CNTNAP1: variants seen among roughly 807,000 people sequenced by gnomAD.
CNTNAP1 encodes the protein contactin associated protein 1.
A neutral mutation model predicts 161.5 loss-of-function variants in CNTNAP1; 80 were observed. That is an observed-to-expected ratio of 0.50 (90% confidence interval 0.41 to 0.60). The LOEUF is 0.60. Among genes scored for constraint, CNTNAP1 ranks in the 20% least tolerant of loss-of-function variants. The pLI, the probability that CNTNAP1 is intolerant of heterozygous loss-of-function variation, is 0.00. For synonymous variants in CNTNAP1, 695 were observed against 733.1 expected, an observed-to-expected ratio of 0.95 and a Z score of 0.84; for missense variants, 1,464 against 1,854.8, an observed-to-expected ratio of 0.79 and a Z score of 3.87.
At chr17:42,696,181 A>G (rs749106280) in intron 20 of CNTNAP1, 29 bp downstream of exon 20, 9 of 1,613,438 alleles carry the variant, frequency 5.6e-6, no homozygotes, top group Non-Finnish European at 7.6e-6. Flanking sequence ...GAGCCAGTTC[A>G]GATCATAACC....
In CNTNAP1 at chr17:42,696,041, A is replaced by C. The variant is rs1176806264; in HGVS notation, c.3363A>C (p.Arg1121=). ...ACCCCACAGGGACCCTTCAGCTGCG[A>C]TATCAGCTGGGCACCAGTCCCTACG... ...LIKDDGTLQL[R]YQLGTSPYVY... is the part of the protein sequence containing the mutation. The change falls in exon 20 of 24, where the codon CGA becomes CGC. Residue 1121 remains arginine, a synonymous_variant. Transcript: ENST00000264638. The C allele has an allele frequency of 1.9e-6, 3 of 1,614,116 alleles. No homozygotes were observed. The South Asian group carries it at 3.3e-5, about 18-fold the overall frequency.
rs921009671 is a variant in CNTNAP1 at position 42,695,863 on chromosome 17, T to C, written c.3335T>C (p.Ile1112Thr). 2 of 1,611,666 alleles carry C rather than the reference T, an allele frequency of 1.2e-6. No individual in the cohort carries two copies. The highest frequency in any genetic ancestry group is 2.7e-5 in the African/African-American group (2 of 75,006). Residue 1112 changes from isoleucine (I) to threonine (T), a missense_variant, in exon 19 of 24, where the codon ATC (isoleucine) becomes ACC (threonine). By Grantham distance (89) the Ile-to-Thr change is moderately conservative. Transcript: ENST00000264638. The stretch of plus-strand genomic sequence containing the variant: ...GTTCGTGACTACATGGCTGTGCTCA[T>C]CAAGGATGATGGTAAGCTCTCCCGG... ...SFVRDYMAVL[I>T]KDDGTLQLRY...
intron 10 of CNTNAP1, 148 bp from the exon 11 acceptor site, chr17:42,689,373 C>T (rs548139632): frequency 1.1e-5 from 7 of 637,892 alleles, no homozygotes; most frequent in Admixed American, 2.7e-5. Flanking sequence ...AGTGCCCCTG[C>T]ATCTGCGCTT....
rs1251973432 is a variant in CNTNAP1, at chr17:42,692,476, C to A, written c.2531-23C>A. 1.9e-6 allele frequency: 3 copies of A among 1,601,764 alleles called. No individual in the cohort carries two copies. In the South Asian group the frequency reaches 3.3e-5, roughly 18 times the overall value. On this transcript the variant is annotated intron_variant, in intron 16 of 23. Coordinates refer to ENST00000264638, the MANE Select transcript of CNTNAP1 (RefSeq NM_003632.3). ...TTGTAGGTCTGAGTCCTTTTCTCCCCTACCCTGCATCACACTGTCCAGCAT... is the reference window on the plus strand; with the variant it reads ...TTGTAGGTCTGAGTCCTTTTCTCCCATACCCTGCATCACACTGTCCAGCAT...
chr17:42,692,914 C>T (rs950280083), intron 17 of CNTNAP1, among the ~76,000 whole-genome samples, 194 bp downstream of exon 17: 1 of 152,118 alleles, frequency 6.6e-6, no homozygotes, highest in Admixed American at 6.6e-5. Flanking sequence ...CCCTTTCCAA[C>T]TACAATACTT....
rs750371440 is a variant in CNTNAP1, at chr17:42,691,850, C to T, written c.2389C>T (p.Arg797Cys). The T allele has an allele frequency of 1.4e-5, 23 of 1,614,024 alleles. No individual in the cohort carries two copies. The highest frequency in any genetic ancestry group is 4.0e-5 in the African/African-American group (3 of 74,918). The change falls in exon 16 of 24, where the codon CGC becomes TGC. Residue 797 changes from arginine to cysteine, a missense_variant. Physicochemically the swap from Arg to Cys is radical, Grantham distance 180. Around this residue, in one of 3 missense-constraint regions of CNTNAP1, gnomAD observed 1,383 missense variants for 1,765.0 expected, o/e 0.78. Coordinates refer to ENST00000264638, the MANE Select transcript of CNTNAP1 (RefSeq NM_003632.3). This position sits in a 1 kb window ranked among gnomAD's most constrained non-coding sequence, Gnocchi z 4.3. Reference sequence around the variant, plus strand: ...TTCCTTCCACACCGGGGCTGCACTACGCTTCCCCCCAATCCGTGCCAACCA... The same window carrying T: ...TTCCTTCCACACCGGGGCTGCACTATGCTTCCCCCCAATCCGTGCCAACCA... ...TISFHTGAAL[R>C]FPPIRANHSL... is the part of the protein sequence containing the mutation.
At chr17:42,694,167 T>A (rs982772761) in intron 18 of CNTNAP1, among the ~76,000 whole-genome samples, 7 of 150,522 alleles carry the variant, frequency 4.7e-5, no homozygotes, top group Admixed American at 4.6e-4. Context: ...CCAAAATAAT[T>A]TCTTTTTTCT....
At chr17:42,697,456 T>A in intron 21 of CNTNAP1, 89 bp downstream of exon 21, 1 of 1,606,358 alleles carries the variant, frequency 6.2e-7, no homozygotes, top group Non-Finnish European at 8.5e-7. Context: ...TGGGAATGGC[T>A]GAGGGCAGTG....
intron 16 of CNTNAP1, 60 bp from the exon 17 acceptor site, chr17:42,692,439 C>A: frequency 7.2e-7 from 1 of 1,393,930 alleles, no homozygotes; most frequent in Non-Finnish European, 1.0e-6. Flanking sequence ...GGGCAAGGAT[C>A]TATGAAGGGT....
In CNTNAP1 at chr17:42,699,370, C is replaced by G. The variant is rs2053198139; in HGVS notation, c.*460C>G. ...CCTATCCCCCAGCCTCCCCCCTGCCCTGAAGATCTTCCATTTGCTTCCACT... is the reference window on the plus strand; with the variant it reads ...CCTATCCCCCAGCCTCCCCCCTGCCGTGAAGATCTTCCATTTGCTTCCACT... On this transcript the variant is annotated 3_prime_UTR_variant, in exon 24 of 24. Transcript: ENST00000264638. 1 of 154,756 alleles carries G rather than the reference C, an allele frequency of 6.5e-6. No individual in the cohort carries two copies. Among genetic ancestry groups the G allele is most frequent in the South Asian group, 2.1e-4 (1 of 4,854 alleles). 9.6% of individuals were successfully genotyped at this position (154,756 alleles called of 1,614,324 possible). A position where few individuals can be genotyped will look rare whatever the true frequency, so the allele number is the denominator to read the frequency against.
intron 11 of CNTNAP1, 75 bp downstream of exon 11, chr17:42,689,702 C>G: frequency 8.1e-7 from 1 of 1,236,018 alleles, no homozygotes; most frequent in Admixed American, 1.8e-5. Context: ...CATCAGGCTG[C>G]TAGAGATGGC....
Position 42,687,207 on chromosome 17 carries a change from C to A in CNTNAP1, c.1044+161C>A. ...AGGGGAGCGGGTCTCACCTGAGGTG[C>A]ATGAGCCACGCAGGCCCCTAGTTAA... On this transcript the variant is annotated intron_variant, in intron 7 of 23. Coordinates refer to ENST00000264638, the MANE Select transcript of CNTNAP1 (RefSeq NM_003632.3). The surrounding 1 kb of genome is among the most constrained non-coding windows in gnomAD (Gnocchi z 4.7). 1 of 921,610 alleles carries A rather than the reference C, an allele frequency of 1.1e-6. No homozygotes were observed. Among genetic ancestry groups the A allele is most frequent in the Non-Finnish European group, 1.6e-6 (1 of 629,428 alleles). The allele number at this position is 921,610 out of a possible 1,614,324, so 57.1% of individuals were successfully genotyped here.
intron 11 of CNTNAP1, 103 bp from the exon 12 acceptor site, chr17:42,689,985 C>A: frequency 1.5e-6 from 2 of 1,341,038 alleles, no homozygotes; most frequent in Non-Finnish European, 2.1e-6. Flanking sequence ...GGGTGATGCA[C>A]CACCCCGGCC....
At chr17:42,689,695 C>G in intron 11 of CNTNAP1, 68 bp downstream of exon 11, 1 of 1,323,672 alleles carries the variant, frequency 7.6e-7, no homozygotes, top group South Asian at 1.2e-5. Flanking sequence ...TGGGGATCAT[C>G]AGGCTGCTAG....
chr17:42,691,661 C>A lies in CNTNAP1; in HGVS notation c.2345-145C>A. 4.4e-6 allele frequency: 6 copies of A among 1,366,034 alleles called. No individual in the cohort carries two copies. The highest frequency in any genetic ancestry group is 6.1e-6 in the Non-Finnish European group (6 of 982,372). 84.6% of individuals were successfully genotyped at this position (1,366,034 alleles called of 1,614,324 possible). Reference sequence around the variant, plus strand: ...TCTCATTACCCCTCTGCACCTGGCTCCTCTTTCATTCCACTCCTTAGTCTC... The same window carrying A: ...TCTCATTACCCCTCTGCACCTGGCTACTCTTTCATTCCACTCCTTAGTCTC... On this transcript the variant is annotated intron_variant, in intron 15 of 23. Transcript: ENST00000264638. The surrounding 1 kb of genome is among the most constrained non-coding windows in gnomAD (Gnocchi z 4.3).
In CNTNAP1 at chr17:42,687,487, G is replaced by C; in HGVS notation, c.1045-233G>C. 1.7e-6 allele frequency: 1 copy of C among 593,368 alleles called. No homozygotes were observed. Among genetic ancestry groups the C allele is most frequent in the Non-Finnish European group, 3.0e-6 (1 of 337,614 alleles). The allele number at this position is 593,368 out of a possible 1,614,324, so 36.8% of individuals were successfully genotyped here. A position where few individuals can be genotyped will look rare whatever the true frequency, so the allele number is the denominator to read the frequency against. On this transcript the variant is annotated intron_variant, in intron 7 of 23. Coordinates refer to ENST00000264638, the MANE Select transcript of CNTNAP1 (RefSeq NM_003632.3). This position sits in a 1 kb window ranked among gnomAD's most constrained non-coding sequence, Gnocchi z 4.7. ...GGAGAGAAGCGGTCGAATCGCAGAC[G>C]GTGGAGATCAGCGAGAGCAAGCGAG...
Position 42,689,019 on chromosome 17 carries a change from C to A in CNTNAP1, c.1600C>A (p.Leu534Ile), listed in dbSNP as rs1273116283. The change falls in exon 10 of 24, where the codon CTC becomes ATC. Residue 534 changes from leucine (L) to isoleucine (I), a missense_variant. Transcript: ENST00000264638. ...GCGGCTTGGATTCTATGCTGAGGTC[C>A]TCTTTGATACATGTGGCATCACTGA... The part of the protein sequence containing the change: ...GRRLGFYAEV[L>I]FDTCGITDRC... 1 of 1,599,658 alleles carries A rather than the reference C, an allele frequency of 6.3e-7. No homozygotes were observed. The highest frequency in any genetic ancestry group is 1.1e-5 in the South Asian group (1 of 88,846).
At position 42,691,143 on chromosome 17, in the gene CNTNAP1, A is replaced by T; in HGVS notation, c.2066A>T (p.Tyr689Phe). 1.9e-6 allele frequency: 3 copies of T among 1,613,910 alleles called. No homozygotes were observed. Among genetic ancestry groups the T allele is most frequent in the Non-Finnish European group, 2.5e-6 (3 of 1,179,916 alleles). ...NSRLLNTAGGYPYSFWIGRNE... is the reference protein window; with the variant it reads ...NSRLLNTAGGFPYSFWIGRNE... ...GCCTGCACCTCTTCCCCAGGAGGCT[A>T]CCCCTACAGCTTTTGGATTGGCCGA... Residue 689 changes from tyrosine to phenylalanine, a missense_variant, in exon 14 of 24, where the codon TAC (tyrosine) becomes TTC (phenylalanine). By Grantham distance (22) the Tyr-to-Phe change is conservative. Coordinates refer to ENST00000264638, the MANE Select transcript of CNTNAP1 (RefSeq NM_003632.3). This position sits in a 1 kb window ranked among gnomAD's most constrained non-coding sequence, Gnocchi z 4.3.
At position 42,689,748 on chromosome 17, in the gene CNTNAP1, T is replaced by C. The variant is rs978132869; in HGVS notation, c.1735+121T>C. 5 of 812,746 alleles carry C rather than the reference T, an allele frequency of 6.2e-6. No homozygotes were observed. In the African/African-American group the frequency reaches 8.5e-5, roughly 14 times the overall value. The allele number at this position is 812,746 out of a possible 1,614,324, so 50.3% of individuals were successfully genotyped here. On this transcript the variant is annotated intron_variant, in intron 11 of 23. Coordinates refer to ENST00000264638, the MANE Select transcript of CNTNAP1 (RefSeq NM_003632.3). ...CTTCCAGCCCTCTCGCTTTTTGTTT[T>C]TGGTTTTTTTGAGACAGAGTCTTGC...
Sources: gnomAD v4.1 joint callset for allele counts (sites outside exome capture counted in the v4.1 genomes callset) on GRCh38, gnomAD v4.1.1 for gene constraint, gnomAD v4.1.1 regional missense constraint, Gnocchi (gnomAD v3.1) non-coding constraint, MANE v1.5 for transcripts, NCBI Gene and HGNC (gene_info 2026-07-23, HGNC 2026-07-21) for gene names.